Variants in CHRAC1 observed in about 807,000 individuals in gnomAD.
CHRAC1 encodes chromatin accessibility complex subunit 1.
Under a neutral mutation model 9.1 loss-of-function variants are expected in CHRAC1, and 6 were observed. The ratio of observed to expected loss-of-function variants is 0.66; its 90% CI spans 0.36 to 1.29. The LOEUF (loss-of-function observed/expected upper bound fraction) is 1.29, where lower values mean the gene tolerates loss of function less well. Among genes scored for constraint, CHRAC1 ranks in the 50% most tolerant of loss-of-function variants. The pLI, the probability that CHRAC1 is intolerant of heterozygous loss-of-function variation, is 0.03. For missense variants in CHRAC1, 168 were observed against 163.5 expected (o/e 1.03, Z -0.15); for synonymous variants, 73 against 64.5 (o/e 1.13, Z -0.63).
At chr8:140,512,195 C>A (rs1217114143) in intron 1 of CHRAC1, among the ~76,000 whole-genome samples, 1 of 152,138 alleles carries the variant, frequency 6.6e-6, no homozygotes, top group African/African-American at 2.4e-5. Context: ...TCCCTACTCC[C>A]GGCCTGCCTT....
chr8:140,512,317 C>T (rs115258008), intron 1 of CHRAC1, among the ~76,000 whole-genome samples: 5,400 of 152,286 alleles, frequency 0.035, 334 homozygotes, highest in African/African-American at 0.12. Context: ...CCCGCGCGTG[C>T]GGTGCCAGCT....
At chr8:140,511,735 C>T in intron 1 of CHRAC1, 89 bp downstream of exon 1, 2 of 1,160,332 alleles carry the variant, frequency 1.7e-6, no homozygotes, top group Non-Finnish European at 2.2e-6. Flanking sequence ...CCCTTAGGCC[C>T]GCGCGCCGCC....
At chr8:140,511,741 C>T (rs1243021967) in intron 1 of CHRAC1, 95 bp downstream of exon 1, 5 of 1,132,462 alleles carry the variant, frequency 4.4e-6, no homozygotes, top group Non-Finnish European at 3.4e-6. Context: ...GGCCCGCGCG[C>T]CGCCGGCTGC....
rs1261487660 is a variant in CHRAC1 at position 140,516,391 on chromosome 8, A to C, written c.*1144A>C. The C allele has an allele frequency of 6.6e-6, 1 of 151,434 alleles. No individual in the cohort carries two copies. The highest frequency in any genetic ancestry group is 1.5e-5 in the Non-Finnish European group (1 of 67,860). 9.4% of individuals were successfully genotyped at this position (151,434 alleles called of 1,614,324 possible). A position where few individuals can be genotyped will look rare whatever the true frequency, so the allele number is the denominator to read the frequency against. On this transcript the variant is annotated 3_prime_UTR_variant, in exon 3 of 3. Coordinates refer to ENST00000220913, the MANE Select transcript of CHRAC1 (RefSeq NM_017444.6). ...TCAAACTCCTAACCTCAACTGATCC[A>C]CCTGCCTCAGCCTCCCAAAGTGCCG...
rs1053102811 is a variant in CHRAC1, at chr8:140,515,354, A to G, written c.*107A>G. 1.7e-6 allele frequency: 2 copies of G among 1,208,510 alleles called. No individual in the cohort carries two copies. The highest frequency in any genetic ancestry group is 1.5e-5 in the African/African-American group (1 of 65,688). The allele number at this position is 1,208,510 out of a possible 1,614,324, so 74.9% of individuals were successfully genotyped here. On this transcript the variant is annotated 3_prime_UTR_variant, in exon 3 of 3. Coordinates refer to ENST00000220913, the MANE Select transcript of CHRAC1 (RefSeq NM_017444.6). ...GCTTTTAGCGTCTTCACTTCTTCAC[A>G]GAGTTCCAGTGTGTGGTATTCTTTC...
chr8:140,515,220 A>G lies in CHRAC1; in HGVS notation c.369A>G (p.Glu123=). 1 of 1,614,114 alleles carries G rather than the reference A, an allele frequency of 6.2e-7. No homozygotes were observed. The highest frequency in any genetic ancestry group is 8.5e-7 in the Non-Finnish European group (1 of 1,179,992). The change falls in exon 3 of 3, where the codon GAA becomes GAG. Residue 123 remains glutamate, a synonymous_variant. Coordinates refer to ENST00000220913, the MANE Select transcript of CHRAC1 (RefSeq NM_017444.6). Reference sequence around the variant, plus strand: ...ATGAGGAGAATGACAATGATAATGAAAGTGACCATGATGAAGCTGACTCCT... The same window carrying G: ...ATGAGGAGAATGACAATGATAATGAGAGTGACCATGATGAAGCTGACTCCT... ...EEDEENDNDN[E]SDHDEADS
chr8:140,512,145 C>G, intron 1 of CHRAC1: 1 of 613,278 alleles, frequency 1.6e-6, no homozygotes, highest in Middle Eastern at 3.2e-4. Flanking sequence ...TAGTGGCGCT[C>G]TTCTCATTTG....
intron 1 of CHRAC1, 41 bp from the exon 2 acceptor site, chr8:140,514,328 T>G: frequency 6.4e-7 from 1 of 1,560,814 alleles, no homozygotes; most frequent in African/African-American, 1.4e-5. Context: ...TGGTACATTT[T>G]CAAAGCACAC....
intron 1 of CHRAC1, 74 bp from the exon 2 acceptor site, chr8:140,514,295 G>GCT: frequency 6.8e-7 from 1 of 1,470,194 alleles, no homozygotes. Flanking sequence ...AATCAACAAT[G>GCT]TAATTTTAAA....
chr8:140,515,041 C>T, intron 2 of CHRAC1, 85 bp from the exon 3 acceptor site: 1 of 1,333,628 alleles, frequency 7.5e-7, no homozygotes, highest in Non-Finnish European at 1.0e-6. Context: ...GAGGTCAAAG[C>T]AGGAACTAGT....
At chr8:140,511,795 GGC>G in intron 1 of CHRAC1, 149 bp downstream of exon 1, 2 of 862,284 alleles carry the variant, frequency 2.3e-6, no homozygotes, top group Non-Finnish European at 3.4e-6. Context: ...GTCCCACGCC[GGC>G]GCGCGCTTCG....
At position 140,516,963 on chromosome 8, in the gene CHRAC1, G is replaced by A. The variant is rs904397667; in HGVS notation, c.*1716G>A. The stretch of plus-strand genomic sequence containing the variant: ...CTGCTGAACTCAGCTGTTGTAGCAC[G>A]AAAGCAGCCAGGTAATTACTAGATG... On this transcript the variant is annotated 3_prime_UTR_variant, in exon 3 of 3. Coordinates refer to ENST00000220913, the MANE Select transcript of CHRAC1 (RefSeq NM_017444.6). 7.2e-5 allele frequency: 11 copies of A among 152,262 alleles called. No homozygotes were observed. Among genetic ancestry groups the A allele is most frequent in the East Asian group, 3.9e-4 (2 of 5,190 alleles). 9.4% of individuals were successfully genotyped at this position (152,262 alleles called of 1,614,324 possible).
chr8:140,514,946 CGTTCG>C (rs1221269084), intron 2 of CHRAC1, 175 bp from the exon 3 acceptor site: 2 of 589,750 alleles, frequency 3.4e-6, no homozygotes, highest in Non-Finnish European at 6.0e-6. Context: ...AGGCCTATAG[CGTTCG>C]TTAGGAGACA....
chr8:140,511,647 G>C lies in CHRAC1; in HGVS notation c.147+1G>C. On this transcript the variant is annotated splice_donor_variant, in intron 1 of 2. Transcript: ENST00000220913. LOFTEE classifies it high-confidence loss of function. ...GTTGGTGCTCACGGCCAAGGCCACGGTGAGGGGGCAGGGCGGGGGTGTGGG... is the reference window on the plus strand; with the variant it reads ...GTTGGTGCTCACGGCCAAGGCCACGCTGAGGGGGCAGGGCGGGGGTGTGGG... 1 of 1,412,722 alleles carries C rather than the reference G, an allele frequency of 7.1e-7. No homozygotes were observed. The highest frequency in any genetic ancestry group is 9.3e-7 in the Non-Finnish European group (1 of 1,076,962). The allele number at this position is 1,412,722 out of a possible 1,614,324, so 87.5% of individuals were successfully genotyped here. A position where few individuals can be genotyped will look rare whatever the true frequency, so the allele number is the denominator to read the frequency against.
chr8:140,514,753 C>T (rs1218631222), intron 2 of CHRAC1: 1 of 386,702 alleles, frequency 2.6e-6, no homozygotes, highest in East Asian at 5.6e-5. Flanking sequence ...GCTGGGCAGT[C>T]CTTTACTCTC....
intron 1 of CHRAC1, 131 bp downstream of exon 1, chr8:140,511,777 C>A: frequency 1.1e-6 from 1 of 924,392 alleles, no homozygotes; most frequent in Non-Finnish European, 1.5e-6. Flanking sequence ...GCGCGCCCCG[C>A]TGTCCCCGTC....
At position 140,515,242 on chromosome 8, in the gene CHRAC1, T is replaced by C; in HGVS notation, c.391T>C (p.Ser131Pro). The stretch of plus-strand genomic sequence containing the variant: ...TGAAAGTGACCATGATGAAGCTGAC[T>C]CCTAAACCAAAAGTGCTTTAAAAAC... ...DNESDHDEAD[S>P] is the part of the protein sequence containing the mutation. The change falls in exon 3 of 3, where the codon TCC (serine) becomes CCC (proline). Residue 131 changes from serine (S) to proline (P), a missense_variant. Transcript: ENST00000220913. The C allele has an allele frequency of 1.2e-6, 2 of 1,613,688 alleles. No homozygotes were observed. Among genetic ancestry groups the C allele is most frequent in the Non-Finnish European group, 1.7e-6 (2 of 1,179,900 alleles).
At position 140,511,927 on chromosome 8, in the gene CHRAC1, T is replaced by C. The variant is rs994047625; in HGVS notation, c.147+281T>C. The C allele has an allele frequency of 8.2e-6, 10 of 1,219,838 alleles. No individual in the cohort carries two copies. In the African/African-American group the frequency reaches 1.4e-4, roughly 17 times the overall value. The allele number at this position is 1,219,838 out of a possible 1,614,324, so 75.6% of individuals were successfully genotyped here. The stretch of plus-strand genomic sequence containing the variant: ...CGCGCCTCTCCCGCCCTTTGTCGCC[T>C]TCCTTCGCTCCGCCCGCCCCTTCCT... On this transcript the variant is annotated intron_variant, in intron 1 of 2. Coordinates refer to ENST00000220913, the MANE Select transcript of CHRAC1 (RefSeq NM_017444.6).
intron 1 of CHRAC1, 23 bp from the exon 2 acceptor site, chr8:140,514,346 T>C (rs943656715): frequency 3.8e-6 from 6 of 1,566,502 alleles, no homozygotes; most frequent in Non-Finnish European, 5.1e-6. Context: ...CACCTTTCAT[T>C]TGCATTTTTC....
Sources: gnomAD v4.1 joint callset for allele counts (sites outside exome capture counted in the v4.1 genomes callset) on GRCh38, gnomAD v4.1.1 for gene constraint, MANE v1.5 for transcripts, NCBI Gene and HGNC (gene_info 2026-07-23, HGNC 2026-07-21) for gene names.